Variants in FER observed in about 807,000 individuals in gnomAD.
FER encodes tyrosine-protein kinase Fer.
FER carries 63 observed loss-of-function variants against 111.0 expected under a neutral mutation model. The observed-to-expected ratio is 0.57, with a 90% confidence interval of 0.46 to 0.70. The LOEUF (loss-of-function observed/expected upper bound fraction) is 0.70, where lower values mean the gene tolerates loss of function less well. FER is among the 30% of genes least tolerant of loss of function. The probability of loss-of-function intolerance (pLI) is 0.00; values close to 1 mark genes in which losing one functional copy is unlikely to be tolerated. For synonymous variants in FER, 327 were observed against 313.9 expected (o/e 1.04, Z -0.44); for missense variants, 914 against 954.0 (o/e 0.96, Z 0.55).
chr5:109,012,577 C>G (rs560211402), intron 13 of FER, among the ~76,000 whole-genome samples: 2 of 152,116 alleles, frequency 1.3e-5, no homozygotes, highest in Admixed American at 1.3e-4. Flanking sequence ...TTCCATAAAG[C>G]CTTTCCAAAA....
At chr5:108,898,576 TTCCCC>T (rs1179028358) in intron 10 of FER, among the ~76,000 whole-genome samples, 4 of 102,340 alleles carry the variant, frequency 3.9e-5, no homozygotes, top group South Asian at 4.5e-4. Context: ...CTTCCCTCCC[TTCCCC>T]TCCCCTCCCC....
chr5:108,950,197 C>A (rs1286409149), intron 11 of FER, among the ~76,000 whole-genome samples: 1 of 152,096 alleles, frequency 6.6e-6, no homozygotes, highest in African/African-American at 2.4e-5. Context: ...TTGAGTTTGG[C>A]TTAGTTGTCT....
At chr5:108,979,204 C>A (rs950689564) in intron 13 of FER, among the ~76,000 whole-genome samples, 1 of 152,116 alleles carries the variant, frequency 6.6e-6, no homozygotes, top group Non-Finnish European at 1.5e-5. Flanking sequence ...AAAGTTCTTC[C>A]TGATTATTTC....
Position 108,902,249 on chromosome 5 carries a change from A to G in FER, c.1236+4401A>G, listed in dbSNP as rs116382947. Among the ~76,000 whole-genome samples, 469 of 152,328 alleles carry G rather than the reference A, an allele frequency of 3.1e-3. 3 individuals are homozygous for G. Among genetic ancestry groups the G allele is most frequent in the African/African-American group, 0.011 (445 of 41,572 alleles). On this transcript the variant is annotated intron_variant, in intron 10 of 19. Transcript: ENST00000281092. ...GAGATGATATCTTTGAGACCATTAT[A>G]ATTACAAAAGGAGAAGTACAATGAT...
chr5:108,834,565 G>T (rs1760407806), intron 4 of FER, among the ~76,000 whole-genome samples: 1 of 152,004 alleles, frequency 6.6e-6, no homozygotes, highest in South Asian at 2.1e-4. Flanking sequence ...AGGTGCGGTG[G>T]TGCACGTCTG....
intron 19 of FER, 99 bp from the exon 20 acceptor site, chr5:109,187,334 C>A: frequency 8.0e-7 from 1 of 1,253,908 alleles, no homozygotes; most frequent in Non-Finnish European, 1.1e-6. Flanking sequence ...ATAACTACAA[C>A]ATAAGGTACC....
At chr5:108,983,737 A>AT in intron 13 of FER, among the ~76,000 whole-genome samples, 1 of 152,164 alleles carries the variant, frequency 6.6e-6, no homozygotes, top group South Asian at 2.1e-4. Context: ...ATAGAGGAGC[A>AT]AGAGACATAT....
At chr5:108,790,140 A>G (rs900307923) in intron 2 of FER, among the ~76,000 whole-genome samples, 7 of 151,800 alleles carry the variant, frequency 4.6e-5, no homozygotes, top group African/African-American at 1.5e-4. Context: ...GCAATGTGCT[A>G]TTATTGTGCC....
At chr5:109,042,934 G>T (rs79007444) in intron 14 of FER, among the ~76,000 whole-genome samples, 1 of 152,138 alleles carries the variant, frequency 6.6e-6, no homozygotes, top group Admixed American at 6.5e-5. Flanking sequence ...ATTGAGCAAA[G>T]CAGTAGTATA....
chr5:109,010,588 C>T (rs562102558), intron 13 of FER, among the ~76,000 whole-genome samples: 66 of 152,062 alleles, frequency 4.3e-4, no homozygotes, highest in Admixed American at 9.2e-4. Flanking sequence ...TAAGATAGTC[C>T]AAAAGAGAAT....
intron 17 of FER, among the ~76,000 whole-genome samples, chr5:109,130,797 C>T (rs1284105106): frequency 2.0e-5 from 3 of 152,078 alleles, no homozygotes; most frequent in Admixed American, 2.0e-4. Flanking sequence ...CCATACCAAA[C>T]AGCACAGCCT....
In FER at chr5:109,095,038, T is replaced by C. The variant is rs528837276; in HGVS notation, c.1925-5358T>C. The stretch of plus-strand genomic sequence containing the variant: ...ACTCTTTTATTTTACAGAACTGTTA[T>C]CATAACTGCTATTGGTTATATTCTC... On this transcript the variant is annotated intron_variant, in intron 16 of 19. Coordinates refer to ENST00000281092, the MANE Select transcript of FER (RefSeq NM_005246.4). 5.3e-5 allele frequency among the ~76,000 whole-genome samples: 8 copies of C among 152,286 alleles called. No individual in the cohort carries two copies. In the South Asian group the frequency reaches 1.2e-3, roughly 24 times the overall value.
chr5:109,035,999 T>A (rs963779403), intron 13 of FER, among the ~76,000 whole-genome samples: 3 of 152,192 alleles, frequency 2.0e-5, no homozygotes, highest in Non-Finnish European at 4.4e-5. Context: ...TGAGCTGGGT[T>A]CTTTGTTTTG....
chr5:108,964,550 T>G (rs565952719), intron 13 of FER, among the ~76,000 whole-genome samples: 1 of 152,198 alleles, frequency 6.6e-6, no homozygotes, highest in African/African-American at 2.4e-5. Context: ...CTACAGAGGT[T>G]AGTATGGCTG....
intron 1 of FER, among the ~76,000 whole-genome samples, chr5:108,749,257 G>T (rs1245242369): frequency 6.6e-6 from 1 of 152,132 alleles, no homozygotes; most frequent in Non-Finnish European, 1.5e-5. Context: ...GTTGGGGCTT[G>T]GGCCGGGCTA....
intron 16 of FER, among the ~76,000 whole-genome samples, chr5:109,089,270 C>T (rs1777901560): frequency 6.6e-6 from 1 of 152,090 alleles, no homozygotes; most frequent in South Asian, 2.1e-4. Context: ...TACTGTTGAA[C>T]CCTGGTAGAG....
At chr5:108,866,583 T>TA (rs957864608) in intron 5 of FER, among the ~76,000 whole-genome samples, 150 of 143,598 alleles carry the variant, frequency 1.0e-3, no homozygotes, top group Non-Finnish European at 1.5e-3. Flanking sequence ...CTTAAAGTAT[T>TA]AAAAAAAAAA....
intron 2 of FER, among the ~76,000 whole-genome samples, chr5:108,797,472 G>A (rs1756160617): frequency 1.3e-5 from 2 of 152,112 alleles, no homozygotes; most frequent in South Asian, 4.1e-4. Flanking sequence ...TCCTGGGTGG[G>A]CATTGGCTGA....
chr5:109,005,112 G>A (rs1294098153), intron 13 of FER, among the ~76,000 whole-genome samples: 1 of 152,006 alleles, frequency 6.6e-6, no homozygotes, highest in Non-Finnish European at 1.5e-5. Flanking sequence ...CCAGAACTTT[G>A]CAAATGGGGC....
Sources: allele counts gnomAD v4.1 joint callset (sites outside exome capture counted in the v4.1 genomes callset), GRCh38; gene constraint gnomAD v4.1.1; transcripts MANE v1.5; gene names NCBI Gene and HGNC (gene_info 2026-07-23, HGNC 2026-07-21).